The following ARHGEF10 variants were observed in gnomAD, a reference collection of about 807,000 sequenced individuals.
ARHGEF10 encodes Rho guanine nucleotide exchange factor 10.
ARHGEF10 carries 140 observed loss-of-function variants against 147.4 expected under a neutral mutation model. The ratio of observed to expected loss-of-function variants is 0.95; its 90% confidence interval spans 0.83 to 1.09. The LOEUF (loss-of-function observed/expected upper bound fraction) is 1.09, where lower values mean the gene tolerates loss of function less well. ARHGEF10 is among the 50% of genes least tolerant of loss of function. ARHGEF10 has a pLI of 0.00. For synonymous variants in ARHGEF10, 902 were observed against 695.8 expected (o/e 1.30, Z -4.67); for missense variants, 2,222 against 1,752.7 (o/e 1.27, Z -4.78).
At position 1,905,609 on chromosome 8, in the gene ARHGEF10, T is replaced by A. The variant is rs749634568; in HGVS notation, c.1860T>A (p.Asp620Glu). The change falls in exon 17 of 29, where the codon GAT (aspartate) becomes GAA (glutamate). Residue 620 changes from aspartate (D) to glutamate (E), a missense_variant. Coordinates refer to ENST00000349830, the MANE Select transcript of ARHGEF10 (RefSeq NM_014629.4). Reference protein sequence around the residue: ...SSGSRYLIRSDDMIETVYNDR... With the variant: ...SSGSRYLIRSEDMIETVYNDR... ...GAAGCCGATACCTCATTCGATCAGATGATATGATAGAAACAGTTTACAACG... is the reference window on the plus strand; with the variant it reads ...GAAGCCGATACCTCATTCGATCAGAAGATATGATAGAAACAGTTTACAACG... 3 of 1,614,084 alleles carry A rather than the reference T, an allele frequency of 1.9e-6. No homozygotes were observed.
At chr8:1,928,773 G>A (rs1751565774) in intron 24 of ARHGEF10, 123 bp downstream of exon 24, 1 of 1,061,064 alleles carries the variant, frequency 9.4e-7, no homozygotes, top group Non-Finnish European at 1.4e-6. Context: ...AGGAATTAGG[G>A]GATACCAGGG....
chr8:1,945,582 C>T lies in ARHGEF10; in HGVS notation c.3324C>T (p.Arg1108=). The change falls in exon 27 of 29, where the codon CGC becomes CGT. Residue 1108 remains arginine, a synonymous_variant. Transcript: ENST00000349830. The part of the protein sequence containing the change: ...WIAFTSGSTL[R]LFHTETLKHL... ...CCTTCACCTCAGGGTCCACGCTCCG[C>T]CTTTTTCACACGGAAACTCTCAAGC... 6.2e-7 allele frequency: 1 copy of T among 1,614,236 alleles called. No homozygotes were observed. Among genetic ancestry groups the T allele is most frequent in the Non-Finnish European group, 8.5e-7 (1 of 1,180,046 alleles).
intron 22 of ARHGEF10, 140 bp from the exon 23 acceptor site, chr8:1,926,237 A>C: frequency 1.3e-6 from 1 of 757,014 alleles, no homozygotes; most frequent in South Asian, 1.5e-5. Context: ...CATCCTCCCT[A>C]TTTTAATCTT....
intron 9 of ARHGEF10, among the ~76,000 whole-genome samples, chr8:1,881,125 G>A (rs1203038505): frequency 6.6e-6 from 1 of 152,218 alleles, no homozygotes; most frequent in Non-Finnish European, 1.5e-5. Flanking sequence ...TGAAGCAGGT[G>A]AGGGCACTGT....
chr8:1,857,870 AGATC>A lies in ARHGEF10; in HGVS notation c.38-81_38-78del, dbSNP rs66620071. On this transcript the variant is annotated intron_variant, in intron 2 of 28. Transcript: ENST00000349830. ...CTTAGTCAGTGTCTCTGGCTAACAT[AGATC>A]GATCGATCTATCTATCTATCTATCT... 256,753 of 901,120 alleles carry A rather than the reference AGATC, an allele frequency of 0.28. 44,185 individuals carry two copies. Among genetic ancestry groups the A allele is most frequent in the Admixed American group, 0.31 (14,061 of 45,962 alleles). The allele number at this position is 901,120 out of a possible 1,614,324, so 55.8% of individuals were successfully genotyped here.
chr8:1,951,918 G>GCCATCGTGAGGCGGGGTCTTCCCTGTAA (rs1815081541), intron 27 of ARHGEF10, among the ~76,000 whole-genome samples: 2 of 135,404 alleles, frequency 1.5e-5, no homozygotes, highest in South Asian at 2.4e-4. Context: ...CTTCCTTGTA[G>GCCATCGTGAGGCGGGGTCTTCCCTGTAA]CCACCGTGAG....
At chr8:1,832,513 CAG>C (rs1331810258) in intron 1 of ARHGEF10, among the ~76,000 whole-genome samples, 3 of 102,906 alleles carry the variant, frequency 2.9e-5, no homozygotes, top group South Asian at 3.4e-4. Context: ...CAGGCAGAGA[CAG>C]AGACAGAGGT....
chr8:1,851,108 C>G (rs1805102801), intron 2 of ARHGEF10, among the ~76,000 whole-genome samples: 1 of 152,126 alleles, frequency 6.6e-6, no homozygotes, highest in South Asian at 2.1e-4. Context: ...GCATCCATGT[C>G]ATTACACGCC....
intron 5 of ARHGEF10, among the ~76,000 whole-genome samples, chr8:1,865,114 G>T (rs958180562): frequency 3.3e-5 from 5 of 152,242 alleles, no homozygotes; most frequent in African/African-American, 7.2e-5. Flanking sequence ...GTTTGATTCA[G>T]ATTTTCTTTT....
At chr8:1,871,777 A>G (rs1224619632) in intron 7 of ARHGEF10, among the ~76,000 whole-genome samples, 6 of 152,212 alleles carry the variant, frequency 3.9e-5, no homozygotes, top group Admixed American at 3.9e-4. Context: ...AGGTTGCACC[A>G]CTACACTCCA....
chr8:1,843,107 A>G (rs1329956868), intron 1 of ARHGEF10, among the ~76,000 whole-genome samples: 1 of 152,230 alleles, frequency 6.6e-6, no homozygotes, highest in Non-Finnish European at 1.5e-5. Context: ...TGCAAAATAA[A>G]CTTCTGGCTA....
chr8:1,926,691 A>C, intron 23 of ARHGEF10: 1 of 592,574 alleles, frequency 1.7e-6, no homozygotes, highest in Non-Finnish European at 3.0e-6. Context: ...TTCATCTAAA[A>C]CATTTACCAG....
intron 27 of ARHGEF10, 50 bp downstream of exon 27, chr8:1,945,705 C>G (rs773650029): frequency 9.3e-6 from 15 of 1,610,358 alleles, no homozygotes; most frequent in Admixed American, 1.7e-5. Flanking sequence ...CGGGGACGGA[C>G]GTGGGGGGTG....
At chr8:1,907,583 G>C (rs911694479) in intron 17 of ARHGEF10, among the ~76,000 whole-genome samples, 2 of 152,158 alleles carry the variant, frequency 1.3e-5, no homozygotes, top group Non-Finnish European at 2.9e-5. Context: ...CTTGACTCTT[G>C]GGCAGTTTTA....
intron 26 of ARHGEF10, among the ~76,000 whole-genome samples, chr8:1,941,655 A>G (rs1408216617): frequency 6.6e-6 from 1 of 152,202 alleles, no homozygotes; most frequent in Non-Finnish European, 1.5e-5. Context: ...CAGAATAGCC[A>G]AAACAATCTA....
intron 17 of ARHGEF10, among the ~76,000 whole-genome samples, chr8:1,906,357 C>G (rs1042477119): frequency 1.3e-5 from 2 of 152,150 alleles, no homozygotes; most frequent in Admixed American, 6.5e-5. Flanking sequence ...TTGAATCTTC[C>G]AGAGTTTTGA....
intron 26 of ARHGEF10, among the ~76,000 whole-genome samples, chr8:1,939,406 A>C (rs1813895820): frequency 6.6e-6 from 1 of 152,260 alleles, no homozygotes; most frequent in Admixed American, 6.5e-5. Context: ...CCCGGCTCTC[A>C]GTCCCAGGAT....
rs1488309190 is a variant in ARHGEF10 at position 1,937,580 on chromosome 8, T to G, written c.3222+3638T>G. 6.6e-6 allele frequency among the ~76,000 whole-genome samples: 1 copy of G among 152,238 alleles called. No individual in the cohort carries two copies. Among genetic ancestry groups the G allele is most frequent in the Non-Finnish European group, 1.5e-5 (1 of 68,048 alleles). On this transcript the variant is annotated intron_variant, in intron 26 of 28. Coordinates refer to ENST00000349830, the MANE Select transcript of ARHGEF10 (RefSeq NM_014629.4). The surrounding 1 kb of genome is among the most constrained non-coding windows in gnomAD (Gnocchi z 4.9). ...TTTAGTACCAAAATAACTAAATACA[T>G]TTTTAGAAAGAAGCAAAAATCTGCT...
At chr8:1,919,229 GAGCTGTTCTGTCGA>G (rs1812014098) in intron 18 of ARHGEF10, among the ~76,000 whole-genome samples, 1 of 149,350 alleles carries the variant, frequency 6.7e-6, no homozygotes, top group African/African-American at 2.5e-5. Flanking sequence ...GTGGGTGATG[GAGCTGTTCTGTCGA>G]GTGATGGAGC....
Sources: allele counts gnomAD v4.1 joint callset (sites outside exome capture counted in the v4.1 genomes callset), GRCh38; gene constraint gnomAD v4.1.1; non-coding constraint Gnocchi (gnomAD v3.1); transcripts MANE v1.5; gene names NCBI Gene and HGNC (gene_info 2026-07-23, HGNC 2026-07-21).